ZNF18: variants seen among roughly 807,000 people sequenced by gnomAD.
ZNF18 encodes zinc finger protein 18.
In ZNF18, 42 loss-of-function variants were observed where a neutral mutation model predicts 58.1. The ratio of observed to expected loss-of-function variants is 0.72; its 90% CI spans 0.56 to 0.93. ZNF18 has a LOEUF of 0.93. Ranked by LOEUF, ZNF18 falls within the 40% of genes least tolerant of loss-of-function variation. The pLI, the probability that ZNF18 is intolerant of heterozygous loss-of-function variation, is 0.00. For synonymous variants in ZNF18, 231 were observed against 239.8 expected (o/e 0.96, Z 0.34); for missense variants, 540 against 644.2 (o/e 0.84, Z 1.75).
chr17:12,008,990 G>A, the ZNF18 span: 2 of 152,134 alleles, frequency 1.3e-5, no homozygotes, highest in African/African-American at 2.4e-5. Flanking sequence ...GTGACACCCT[G>A]GCAAATTCCT....
upstream of ZNF18, among the ~76,000 whole-genome samples, chr17:11,999,647 G>T (rs76438936): frequency 8.7e-3 from 1,323 of 152,260 alleles, 21 homozygotes; most frequent in African/African-American, 0.03. Context: ...ATATATGCAA[G>T]AATGAACTAA....
the ZNF18 span, among the ~76,000 whole-genome samples, chr17:12,017,531 G>A: frequency 6.6e-6 from 1 of 152,154 alleles, no homozygotes; most frequent in African/African-American, 2.4e-5. Context: ...GGGGTCCTAA[G>A]GTGAAATCCA....
At chr17:11,981,833 A>G (rs1967378785) in intron 6 of ZNF18, among the ~76,000 whole-genome samples, 1 of 152,094 alleles carries the variant, frequency 6.6e-6, no homozygotes, top group Non-Finnish European at 1.5e-5. Context: ...AATATTTTCA[A>G]CCTTTTCTGA....
intron 5 of ZNF18, 52 bp downstream of exon 5, chr17:11,984,059 TCA>T: frequency 6.6e-7 from 1 of 1,514,696 alleles, no homozygotes; most frequent in Non-Finnish European, 9.0e-7. Context: ...GGAAAATGCC[TCA>T]CAGTTTTCCA....
chr17:11,997,814 C>T (rs1385770571), upstream of ZNF18, among the ~76,000 whole-genome samples: 3 of 152,208 alleles, frequency 2.0e-5, no homozygotes, highest in Admixed American at 2.0e-4. Flanking sequence ...TCCGCCCAGT[C>T]CCACCCGCAG....
At chr17:11,979,339 G>C (rs1215971202) in intron 6 of ZNF18, among the ~76,000 whole-genome samples, 1 of 152,140 alleles carries the variant, frequency 6.6e-6, no homozygotes, top group East Asian at 1.9e-4. Context: ...ATTTAATTGT[G>C]AATGGTGGCA....
intron 4 of ZNF18, among the ~76,000 whole-genome samples, chr17:11,985,519 CTTTT>C (rs1156698151): frequency 4.6e-5 from 7 of 152,102 alleles, no homozygotes; most frequent in African/African-American, 7.2e-5. Flanking sequence ...GCACACTGTA[CTTTT>C]TTTATTTATA....
At chr17:12,003,349 G>C in the ZNF18 span, among the ~76,000 whole-genome samples, 1 of 151,344 alleles carries the variant, frequency 6.6e-6, no homozygotes, top group African/African-American at 2.4e-5. Flanking sequence ...TGAGGCAGGA[G>C]AATCACTTGA....
At chr17:12,009,269 C>T in the ZNF18 span, 2 of 151,794 alleles carry the variant, frequency 1.3e-5, no homozygotes, top group Non-Finnish European at 1.5e-5. Flanking sequence ...TTTATCCCTA[C>T]ATGGCTGCTT....
chr17:12,019,777 C>T, the ZNF18 span, among the ~76,000 whole-genome samples: 1 of 152,192 alleles, frequency 6.6e-6, no homozygotes, highest in African/African-American at 2.4e-5. Flanking sequence ...CATCAAATAA[C>T]ATCTGGGTGG....
chr17:11,978,328 G>C lies in ZNF18; in HGVS notation c.1279C>G (p.Gln427Glu). 6.3e-7 allele frequency: 1 copy of C among 1,589,600 alleles called. No individual in the cohort carries two copies. Among genetic ancestry groups the C allele is most frequent in the Non-Finnish European group, 8.5e-7 (1 of 1,170,462 alleles). ...FYRNSQLIFH[Q>E]RTHTGETYFQ... Reference sequence around the variant, plus strand: ...TATGTCTCTCCGGTGTGAGTTCTTTGGTGAAAAATAAGCTGAGAATTCCTA... The same window carrying C: ...TATGTCTCTCCGGTGTGAGTTCTTTCGTGAAAAATAAGCTGAGAATTCCTA... The change falls in exon 7 of 7, where the codon CAA (glutamine) becomes GAA (glutamate). Residue 427 changes from glutamine (Q) to glutamate (E), a missense_variant. Transcript: ENST00000580306.
chr17:11,983,833 C>T (rs1312840383), intron 5 of ZNF18, among the ~76,000 whole-genome samples: 1 of 152,122 alleles, frequency 6.6e-6, no homozygotes, highest in East Asian at 1.9e-4. Context: ...TTTCATCAGG[C>T]TTAAAATGAG....
rs770543851 is a variant in ZNF18, at chr17:11,978,198, C to A, written c.1409G>T (p.Gly470Val). The A allele has an allele frequency of 1.2e-6, 2 of 1,614,046 alleles. No homozygotes were observed. The highest frequency in any genetic ancestry group is 1.7e-5 in the Admixed American group (1 of 59,988). Residue 470 changes from glycine (G) to valine (V), a missense_variant, in exon 7 of 7, where the codon GGG (glycine) becomes GTG (valine). Coordinates refer to ENST00000580306, the MANE Select transcript of ZNF18 (RefSeq NM_001303281.2). ...GEKPCKCDYC[G>V]KGFSDFSGLR... Reference sequence around the variant, plus strand: ...TCCTGAGAAGTCACTAAAGCCTTTCCCACAGTAATCACATTTACAGGGCTT... The same window carrying A: ...TCCTGAGAAGTCACTAAAGCCTTTCACACAGTAATCACATTTACAGGGCTT...
the ZNF18 span, among the ~76,000 whole-genome samples, chr17:12,009,794 G>A: frequency 6.6e-6 from 1 of 151,982 alleles, no homozygotes; most frequent in South Asian, 2.1e-4. Flanking sequence ...TCCTGCCTGC[G>A]TGAGACGTAA....
the ZNF18 span, among the ~76,000 whole-genome samples, chr17:12,020,175 A>G: frequency 1.3e-5 from 2 of 152,198 alleles, no homozygotes; most frequent in Admixed American, 1.3e-4. Context: ...GAAGATGGTG[A>G]TGTAGATAGC....
Position 11,990,613 on chromosome 17 carries a change from G to A in ZNF18, c.578-63C>T, listed in dbSNP as rs145306108. ...CTTCCTTAACCACTCCCCAGAGGGC[G>A]CAGATAACAATCTTCACAAATCAGA... On this transcript the variant is annotated intron_variant, in intron 3 of 6. Transcript: ENST00000580306. The A allele has an allele frequency of 4.8e-4, 635 of 1,322,110 alleles. 2 individuals carry two copies. The African/African-American group carries it at 7.8e-3, about 16-fold the overall frequency. The allele number at this position is 1,322,110 out of a possible 1,614,324, so 81.9% of individuals were successfully genotyped here.
chr17:11,982,819 AT>A (rs1334520074), intron 6 of ZNF18, among the ~76,000 whole-genome samples: 10 of 152,174 alleles, frequency 6.6e-5, no homozygotes, highest in African/African-American at 2.4e-4. Context: ...TAAATAAATT[AT>A]TTATACGAAG....
At chr17:11,990,583 G>T (rs769084585) in intron 3 of ZNF18, 33 bp from the exon 4 acceptor site, 3 of 1,573,280 alleles carry the variant, frequency 1.9e-6, no homozygotes, top group South Asian at 2.3e-5. Context: ...TCAGAATCTG[G>T]ATGTCTTCCT....
the ZNF18 span, among the ~76,000 whole-genome samples, chr17:12,018,917 T>C: frequency 2.0e-5 from 3 of 150,992 alleles, no homozygotes; most frequent in Non-Finnish European, 4.4e-5. Context: ...TTTGCTAGGT[T>C]GAAGGTTTTC....
Sources: allele counts gnomAD v4.1 joint callset (sites outside exome capture counted in the v4.1 genomes callset), GRCh38; gene constraint gnomAD v4.1.1; transcripts MANE v1.5; gene names NCBI Gene and HGNC (gene_info 2026-07-23, HGNC 2026-07-21).